Variants in PTPRZ1 observed in about 807,000 individuals in gnomAD.
PTPRZ1 encodes the protein receptor-type tyrosine-protein phosphatase zeta.
A neutral mutation model predicts 214.1 loss-of-function variants in PTPRZ1; 82 were observed. The observed-to-expected ratio is 0.38, with a 90% confidence interval of 0.32 to 0.46. The LOEUF is 0.46. PTPRZ1 is among the 20% of genes least tolerant of loss of function. The probability of loss-of-function intolerance (pLI) is 1.00; values close to 1 mark genes in which losing one functional copy is unlikely to be tolerated. For missense variants in PTPRZ1, 2,603 were observed against 2,748.7 expected (o/e 0.95, Z 1.19); for synonymous variants, 945 against 987.9 (o/e 0.96, Z 0.81).
chr7:121,964,294 G>A (rs979696656), intron 2 of PTPRZ1, among the ~76,000 whole-genome samples: 6 of 152,114 alleles, frequency 3.9e-5, no homozygotes, highest in East Asian at 1.9e-4. Flanking sequence ...TCACAATTCC[G>A]CAGGGCTGGG....
At chr7:121,955,910 G>C (rs1052615879) in intron 2 of PTPRZ1, among the ~76,000 whole-genome samples, 1 of 152,168 alleles carries the variant, frequency 6.6e-6, no homozygotes, top group African/African-American at 2.4e-5. Flanking sequence ...AAACACTGCT[G>C]TATTGGGTTT....
intron 13 of PTPRZ1, among the ~76,000 whole-genome samples, chr7:122,019,768 A>G (rs1798961071): frequency 6.6e-6 from 1 of 152,208 alleles, no homozygotes; most frequent in Non-Finnish European, 1.5e-5. Flanking sequence ...GCTAATGACT[A>G]TCTTAAGATG....
At chr7:121,977,050 A>G (rs1797461753) in intron 6 of PTPRZ1, among the ~76,000 whole-genome samples, 199 bp downstream of exon 6, 1 of 152,220 alleles carries the variant, frequency 6.6e-6, no homozygotes, top group Non-Finnish European at 1.5e-5. Context: ...ATTTTGTTAC[A>G]TCAAAAGCAT....
intron 1 of PTPRZ1, among the ~76,000 whole-genome samples, chr7:121,927,091 G>T (rs1795787441): frequency 6.6e-6 from 1 of 152,128 alleles, no homozygotes; most frequent in Non-Finnish European, 1.5e-5. Flanking sequence ...ATGTCCTTGA[G>T]ATATTTGCAT....
At chr7:122,029,096 GT>G (rs869169681) in intron 14 of PTPRZ1, among the ~76,000 whole-genome samples, 4,624 of 146,956 alleles carry the variant, frequency 0.031, 106 homozygotes, top group Middle Eastern at 0.053. Flanking sequence ...TGAGAAAAGG[GT>G]TTTTTTTTTT....
chr7:121,980,481 C>T (rs1455815046), intron 6 of PTPRZ1, among the ~76,000 whole-genome samples: 1 of 152,178 alleles, frequency 6.6e-6, no homozygotes, highest in African/African-American at 2.4e-5. Flanking sequence ...AAGAGGAGGA[C>T]ATACTTTTAG....
intron 1 of PTPRZ1, among the ~76,000 whole-genome samples, chr7:121,887,709 A>C (rs576255939): frequency 6.6e-6 from 1 of 152,170 alleles, no homozygotes; most frequent in Admixed American, 6.6e-5. Flanking sequence ...AAAGAGAACT[A>C]TAAGTTTCTT....
At chr7:122,023,189 C>T (rs1243948349) in intron 13 of PTPRZ1, among the ~76,000 whole-genome samples, 1 of 151,908 alleles carries the variant, frequency 6.6e-6, no homozygotes, top group African/African-American at 2.4e-5. Flanking sequence ...TCTGCTATTT[C>T]ACCTAATTTA....
At chr7:122,042,824 C>T in intron 22 of PTPRZ1, 81 bp downstream of exon 22, 1 of 1,430,672 alleles carries the variant, frequency 7.0e-7, no homozygotes, top group African/African-American at 1.4e-5. Context: ...TCTCCTAGGA[C>T]TGCAAAACAA....
chr7:121,985,915 T>G (rs1797752082), intron 8 of PTPRZ1, among the ~76,000 whole-genome samples: 1 of 152,216 alleles, frequency 6.6e-6, no homozygotes, highest in Admixed American at 6.5e-5. Flanking sequence ...CTTTTATCTC[T>G]TTATCTCCAT....
In PTPRZ1 at chr7:121,873,391, C is replaced by A; in HGVS notation, c.-109C>A. On this transcript the variant is annotated 5_prime_UTR_variant, in exon 1 of 30. The change creates a new upstream start codon in the 5' untranslated region. Coordinates refer to ENST00000393386, the MANE Select transcript of PTPRZ1 (RefSeq NM_002851.3). The stretch of plus-strand genomic sequence containing the variant: ...GCACGATCTCACTTCGATCTATACA[C>A]TGGAGGATTAAAACAAACAAACAAA... The A allele has an allele frequency of 9.4e-7, 1 of 1,062,476 alleles. No individual in the cohort carries two copies. The highest frequency in any genetic ancestry group is 1.4e-6 in the Non-Finnish European group (1 of 722,618). The allele number at this position is 1,062,476 out of a possible 1,614,324, so 65.8% of individuals were successfully genotyped here.
chr7:121,996,495 G>C lies in PTPRZ1; in HGVS notation c.1042G>C (p.Val348Leu). 1 of 1,613,256 alleles carries C rather than the reference G, an allele frequency of 6.2e-7. No homozygotes were observed. Among genetic ancestry groups the C allele is most frequent in the Non-Finnish European group, 8.5e-7 (1 of 1,179,506 alleles). Residue 348 changes from valine to leucine, a missense_variant, in exon 9 of 30, where the codon GTT (valine) becomes CTT (leucine). By Grantham distance (32) the Val-to-Leu change is conservative (BLOSUM62 1). This residue lies in a region of PTPRZ1 where 244 missense variants were observed against 333.2 expected (regional missense o/e 0.73). Coordinates refer to ENST00000393386, the MANE Select transcript of PTPRZ1 (RefSeq NM_002851.3). ...VYDTMIEKFA[V>L]LYQQLDGEDQ... ...TGATACCATGATTGAGAAGTTTGCA[G>C]TTTTGTACCAGCAGTTGGATGGAGA...
intron 4 of PTPRZ1, 101 bp downstream of exon 4, chr7:121,972,793 T>C: frequency 1.0e-6 from 1 of 961,722 alleles, no homozygotes; most frequent in Non-Finnish European, 1.4e-6. Flanking sequence ...TATTAAAATT[T>C]ATAAAGTGAT....
rs374460716 is a variant in PTPRZ1, at chr7:121,989,491, C to T, written c.928+5374C>T. ...CTGGGTTCGAGTGATTCTCCTGCCT[C>T]AGCCTCCCAAGTAGCTGAGATTACT... is the stretch of plus-strand genomic sequence containing the variant. On this transcript the variant is annotated intron_variant, in intron 8 of 29. Transcript: ENST00000393386. 4.0e-5 allele frequency among the ~76,000 whole-genome samples: 6 copies of T among 151,570 alleles called. No homozygotes were observed. The East Asian group carries it at 1.2e-3, about 30-fold the overall frequency.
At chr7:122,007,165 T>C (rs751477805) in intron 11 of PTPRZ1, among the ~76,000 whole-genome samples, 2 of 152,084 alleles carry the variant, frequency 1.3e-5, no homozygotes, top group Non-Finnish European at 2.9e-5. Flanking sequence ...AAAATCAATG[T>C]CATTACTTGT....
At chr7:121,915,083 T>C (rs981540485) in intron 1 of PTPRZ1, among the ~76,000 whole-genome samples, 8 of 152,136 alleles carry the variant, frequency 5.3e-5, no homozygotes, top group Admixed American at 6.6e-5. Context: ...AGCACCGCCG[T>C]ATACTGCACA....
At chr7:122,001,211 ATTAAT>A (rs1798312441) in intron 10 of PTPRZ1, among the ~76,000 whole-genome samples, 2 of 152,152 alleles carry the variant, frequency 1.3e-5, no homozygotes, top group Non-Finnish European at 1.5e-5. Flanking sequence ...GCGTTCAGAA[ATTAAT>A]TTAAATTTAT....
Position 121,972,570 on chromosome 7 carries a change from G to C in PTPRZ1, c.334G>C (p.Val112Leu). The C allele has an allele frequency of 6.2e-7, 1 of 1,612,366 alleles. No individual in the cohort carries two copies. Among genetic ancestry groups the C allele is most frequent in the Non-Finnish European group, 8.5e-7 (1 of 1,179,310 alleles). Reference sequence around the variant, plus strand: ...AATTAATCTCACTAATGACTACCGTGTCAGCGGAGGAGTTTCAGAAATGGT... The same window carrying C: ...AATTAATCTCACTAATGACTACCGTCTCAGCGGAGGAGTTTCAGAAATGGT... ...VEINLTNDYR[V>L]SGGVSEMVFK... Residue 112 changes from valine (V) to leucine (L), a missense_variant, in exon 4 of 30, where the codon GTC becomes CTC. By Grantham distance (32) the Val-to-Leu change is conservative. This residue lies in a region of PTPRZ1 where 141 missense variants were observed against 143.7 expected (regional missense o/e 0.98). Coordinates refer to ENST00000393386, the MANE Select transcript of PTPRZ1 (RefSeq NM_002851.3).
chr7:121,894,185 C>G (rs1387519769), intron 1 of PTPRZ1, among the ~76,000 whole-genome samples: 1 of 152,136 alleles, frequency 6.6e-6, no homozygotes, highest in Non-Finnish European at 1.5e-5. Flanking sequence ...AGTTGGTGCT[C>G]CTGTCAGCAG....
Sources: allele counts gnomAD v4.1 joint callset (sites outside exome capture counted in the v4.1 genomes callset), GRCh38; gene constraint gnomAD v4.1.1; regional missense constraint gnomAD v4.1.1; transcripts MANE v1.5; gene names NCBI Gene and HGNC (gene_info 2026-07-23, HGNC 2026-07-21).